MAP4K1: variants seen among roughly 807,000 people sequenced by gnomAD.
MAP4K1 encodes mitogen-activated protein kinase kinase kinase kinase 1.
MAP4K1 carries 35 observed loss-of-function variants against 122.8 expected under a neutral mutation model. The observed-to-expected ratio is 0.29, with a 90% CI of 0.22 to 0.38. The LOEUF (loss-of-function observed/expected upper bound fraction) is 0.38. MAP4K1 is among the 10% of genes least tolerant of loss of function. The probability of loss-of-function intolerance (pLI) is 1.00; values close to 1 mark genes in which losing one functional copy is unlikely to be tolerated. For synonymous variants in MAP4K1, 412 were observed against 421.3 expected (o/e 0.98, Z 0.27); for missense variants, 791 against 1,072.6 (o/e 0.74, Z 3.67).
At chr19:38,605,782 G>A in intron 17 of MAP4K1, 52 bp from the exon 18 acceptor site, 1 of 1,554,728 alleles carries the variant, frequency 6.4e-7, no homozygotes, top group Non-Finnish European at 8.7e-7. Context: ...ATCTCAGAGA[G>A]GGCACCCTTT....
intron 20 of MAP4K1, among the ~76,000 whole-genome samples, 169 bp from the exon 21 acceptor site, chr19:38,600,322 G>A (rs983009309): frequency 5.3e-5 from 8 of 152,200 alleles, no homozygotes; most frequent in South Asian, 2.1e-4. Flanking sequence ...CAGAGCGGAC[G>A]GTCCCGCAAG....
chr19:38,616,896 TGGGGG>T (rs1975661737), intron 3 of MAP4K1, among the ~76,000 whole-genome samples: 1 of 151,896 alleles, frequency 6.6e-6, no homozygotes, highest in South Asian at 2.1e-4. Context: ...CAGTCAAAAA[TGGGGG>T]TCCAGGATGG....
chr19:38,601,580 A>G, intron 19 of MAP4K1, 55 bp from the exon 20 acceptor site: 4 of 1,345,126 alleles, frequency 3.0e-6, no homozygotes, highest in Non-Finnish European at 4.2e-6. Context: ...AGCAGGGAAC[A>G]GGAAGGGGCA....
At chr19:38,609,223 C>T (rs1794486811) in intron 13 of MAP4K1, among the ~76,000 whole-genome samples, 1 of 152,106 alleles carries the variant, frequency 6.6e-6, no homozygotes, top group Non-Finnish European at 1.5e-5. Flanking sequence ...CAACCTCCAC[C>T]TCCCAGGTTC....
chr19:38,603,662 C>A (rs773481106), intron 19 of MAP4K1, among the ~76,000 whole-genome samples: 7 of 152,010 alleles, frequency 4.6e-5, no homozygotes, highest in Non-Finnish European at 1.0e-4. Flanking sequence ...TAGTGAGACC[C>A]TGCCTCTATA....
In MAP4K1 at chr19:38,608,143, C is replaced by G; in HGVS notation, c.1034G>C (p.Arg345Pro). 1.3e-6 allele frequency: 2 copies of G among 1,527,606 alleles called. No homozygotes were observed. Among genetic ancestry groups the G allele is most frequent in the Non-Finnish European group, 1.8e-6 (2 of 1,140,130 alleles). The allele number at this position is 1,527,606 out of a possible 1,614,324, so 94.6% of individuals were successfully genotyped here. Residue 345 changes from arginine (R) to proline (P), a missense_variant, in exon 14 of 31, where the codon CGA (arginine) becomes CCA (proline). By Grantham distance (103) the Arg-to-Pro change is moderately radical (BLOSUM62 -2). Transcript: ENST00000396857. The part of the protein sequence containing the change: ...CRRHMEFRKL[R>P]GMETRPPANT... Reference sequence around the variant, plus strand: ...GGCTGGGGGTCTGGTCTCCATTCCTCGGAGCTTCCTGAACTCCATGTGCCG... The same window carrying G: ...GGCTGGGGGTCTGGTCTCCATTCCTGGGAGCTTCCTGAACTCCATGTGCCG...
At chr19:38,593,108 A>G (rs1257264423) in intron 30 of MAP4K1, among the ~76,000 whole-genome samples, 174 bp downstream of exon 30, 1 of 152,014 alleles carries the variant, frequency 6.6e-6, no homozygotes, top group African/African-American at 2.4e-5. Context: ...AAAAAGAGAG[A>G]ACGCCCCCGT....
At chr19:38,614,199 C>T (rs750605364) in intron 6 of MAP4K1, 46 bp downstream of exon 6, 2 of 1,611,178 alleles carry the variant, frequency 1.2e-6, no homozygotes, top group East Asian at 4.5e-5. Context: ...CCACTCCCAT[C>T]TCCTGGGCCC....
chr19:38,604,516 C>A (rs1453857640), intron 19 of MAP4K1, among the ~76,000 whole-genome samples: 1 of 152,050 alleles, frequency 6.6e-6, no homozygotes, highest in Non-Finnish European at 1.5e-5. Flanking sequence ...AGTAGCTGGG[C>A]GCGGTGGCTC....
intron 19 of MAP4K1, among the ~76,000 whole-genome samples, chr19:38,602,545 CAT>C (rs563491207): frequency 0.015 from 2,174 of 146,396 alleles, 47 homozygotes; most frequent in African/African-American, 0.046. Flanking sequence ...TACACATATA[CAT>C]ATATATACAC....
At position 38,613,967 on chromosome 19, in the gene MAP4K1, A is replaced by C. The variant is rs375555371; in HGVS notation, c.461-15T>G. ...GCCAAAGTCAGCTGGAAGCAGAGGG[A>C]GACATAGTGATCTGGGGTCCACTGC... On this transcript the variant is annotated splice_polypyrimidine_tract_variant and intron_variant, in intron 7 of 30. Coordinates refer to ENST00000396857, the MANE Select transcript of MAP4K1 (RefSeq NM_001042600.3). 1.6e-5 allele frequency: 26 copies of C among 1,613,690 alleles called. 1 individual carries two copies. The highest frequency in any genetic ancestry group is 2.0e-5 in the Non-Finnish European group (24 of 1,179,808).
chr19:38,603,150 A>G (rs1278195459), intron 19 of MAP4K1, among the ~76,000 whole-genome samples: 1 of 148,340 alleles, frequency 6.7e-6, no homozygotes, highest in Non-Finnish European at 1.5e-5. Context: ...ATATACACAC[A>G]TATACATGTA....
At chr19:38,593,769 T>C (rs1568621734) in intron 29 of MAP4K1, among the ~76,000 whole-genome samples, 1 of 152,258 alleles carries the variant, frequency 6.6e-6, no homozygotes, top group East Asian at 1.9e-4. Flanking sequence ...TAGTCCCAGC[T>C]ACTTGTGAGG....
chr19:38,596,219 C>T, intron 26 of MAP4K1, 93 bp downstream of exon 26: 1 of 1,453,454 alleles, frequency 6.9e-7, no homozygotes, highest in Admixed American at 2.3e-5. Context: ...TTTCTCAGTC[C>T]CGTAGTGCCT....
In MAP4K1 at chr19:38,597,295, C is replaced by G; in HGVS notation, c.1837+31G>C. ...CCCTCCTCTGGCCTGGCCCCGCCCA[C>G]TCTCTGCACACCCGTGAAGCTCTCT... On this transcript the variant is annotated intron_variant, in intron 24 of 30. Transcript: ENST00000396857. The surrounding 1 kb of genome is among the most constrained non-coding windows in gnomAD (Gnocchi z 4.6). 1 of 1,613,690 alleles carries G rather than the reference C, an allele frequency of 6.2e-7. No homozygotes were observed. The highest frequency in any genetic ancestry group is 1.1e-5 in the South Asian group (1 of 91,080).
At position 38,587,736 on chromosome 19, in the gene MAP4K1, C is replaced by A; in HGVS notation, c.*12G>T. 1 of 1,611,078 alleles carries A rather than the reference C, an allele frequency of 6.2e-7. No individual in the cohort carries two copies. The highest frequency in any genetic ancestry group is 8.5e-7 in the Non-Finnish European group (1 of 1,177,414). On this transcript the variant is annotated 3_prime_UTR_variant, in exon 31 of 31. Coordinates refer to ENST00000396857, the MANE Select transcript of MAP4K1 (RefSeq NM_001042600.3). ...GGGTGCAAGGACTAGTTCCTGACACCCCCCTAGGGACTCATTCCTGGATGT... is the reference window on the plus strand; with the variant it reads ...GGGTGCAAGGACTAGTTCCTGACACACCCCTAGGGACTCATTCCTGGATGT...
At position 38,617,669 on chromosome 19, in the gene MAP4K1, G is replaced by C. The variant is rs752377837; in HGVS notation, c.100-44C>G. ...GCAGTCAGGCAGGCTCCATTTGCCA[G>C]AGTCCCTCCACAGCATCCCTGAGTC... On this transcript the variant is annotated intron_variant, in intron 1 of 30. Transcript: ENST00000396857. This position sits in a 1 kb window ranked among gnomAD's most constrained non-coding sequence, Gnocchi z 4.1. 3.7e-6 allele frequency: 6 copies of C among 1,611,460 alleles called. No homozygotes were observed. The South Asian group carries it at 4.4e-5, about 12-fold the overall frequency.
At position 38,617,634 on chromosome 19, in the gene MAP4K1, G is replaced by A. The variant is rs768914416; in HGVS notation, c.100-9C>T. On this transcript the variant is annotated splice_polypyrimidine_tract_variant and intron_variant, in intron 1 of 30. Coordinates refer to ENST00000396857, the MANE Select transcript of MAP4K1 (RefSeq NM_001042600.3). The surrounding 1 kb of genome is among the most constrained non-coding windows in gnomAD (Gnocchi z 4.1). ...GACACCTTGTCTCGAGCCTTGCAAA[G>A]GGGAAGTTGGCAGTCAGGCAGGCTC... The A allele has an allele frequency of 1.2e-6, 2 of 1,614,078 alleles. No individual in the cohort carries two copies. Among genetic ancestry groups the A allele is most frequent in the Non-Finnish European group, 1.7e-6 (2 of 1,179,984 alleles).
At chr19:38,606,365 G>A (rs922243076) in intron 16 of MAP4K1, 150 bp from the exon 17 acceptor site, 1 of 561,322 alleles carries the variant, frequency 1.8e-6, no homozygotes. Context: ...GAGGATTAAA[G>A]GATTAATAGC....
Sources: gnomAD v4.1 joint callset for allele counts (sites outside exome capture counted in the v4.1 genomes callset) on GRCh38, gnomAD v4.1.1 for gene constraint, Gnocchi (gnomAD v3.1) non-coding constraint, MANE v1.5 for transcripts, NCBI Gene and HGNC (gene_info 2026-07-23, HGNC 2026-07-21) for gene names.